The following DPY19L2 variants were observed in gnomAD, a reference collection of about 807,000 sequenced individuals.
The protein encoded by DPY19L2 is probable C-mannosyltransferase DPY19L2.
DPY19L2 carries 34 observed loss-of-function variants against 97.9 expected under a neutral mutation model. The observed-to-expected ratio is 0.35, with a 90% CI of 0.26 to 0.46. DPY19L2 has a LOEUF of 0.46. Among genes scored for constraint, DPY19L2 ranks in the 20% least tolerant of loss-of-function variants. The probability of loss-of-function intolerance (pLI) is 1.00; values close to 1 mark genes in which losing one functional copy is unlikely to be tolerated. For missense variants in DPY19L2, 623 were observed against 911.4 expected (o/e 0.68, Z 4.07); for synonymous variants, 230 against 307.9 (o/e 0.75, Z 2.65).
chr12:63,612,061 C>T (rs1322105710), intron 11 of DPY19L2, among the ~76,000 whole-genome samples: 5 of 151,880 alleles, frequency 3.3e-5, no homozygotes, highest in East Asian at 1.9e-4. Context: ...TATTTACAGA[C>T]GAAAGCGTAG....
intron 12 of DPY19L2, among the ~76,000 whole-genome samples, chr12:63,603,326 C>T (rs1365109004): frequency 1.3e-5 from 2 of 152,182 alleles, no homozygotes; most frequent in Non-Finnish European, 2.9e-5. Context: ...TTCTTCCCTA[C>T]ATTCTAGGAT....
At position 63,597,790 on chromosome 12, in the gene DPY19L2, A is replaced by G. The variant is rs756825536; in HGVS notation, c.1461+19T>C. The G allele has an allele frequency of 1.3e-6, 2 of 1,594,472 alleles. No homozygotes were observed. The highest frequency in any genetic ancestry group is 1.7e-6 in the Non-Finnish European group (2 of 1,168,314). ...AAAAAACTCATATTAGTAGAGAAGG[A>G]AAAAAGAAACATTCATACCGCTTTT... is the stretch of plus-strand genomic sequence containing the variant. On this transcript the variant is annotated intron_variant, in intron 14 of 21. Coordinates refer to ENST00000324472, the MANE Select transcript of DPY19L2 (RefSeq NM_173812.5).
chr12:63,667,605 C>T (rs3855610), intron 1 of DPY19L2, among the ~76,000 whole-genome samples: 40,233 of 151,886 alleles, frequency 0.26, 5,899 homozygotes, highest in East Asian at 0.57. Context: ...CTTTTATTTC[C>T]ACTTTAACAT....
In DPY19L2 at chr12:63,594,130, CA is replaced by C. The variant is rs777895594; in HGVS notation, c.1536del (p.Val513PhefsTer8). 1 of 1,540,962 alleles carries C rather than the reference CA, an allele frequency of 6.5e-7. No individual in the cohort carries two copies. Among genetic ancestry groups the C allele is most frequent in the Non-Finnish European group, 8.8e-7 (1 of 1,130,650 alleles). On this transcript the variant is annotated frameshift_variant and splice_region_variant, in exon 16 of 22. Transcript: ENST00000324472. LOFTEE classifies it high-confidence loss of function. ...MVITCFIFKK[T>X]VRDISYVLAT... ...GCTAAAACATATGAAATATCACGAACAGTCTGTGAATAGAATCAAATCAATG... is the reference window on the plus strand; with the variant it reads ...GCTAAAACATATGAAATATCACGAACGTCTGTGAATAGAATCAAATCAATG...
intron 6 of DPY19L2, among the ~76,000 whole-genome samples, chr12:63,628,922 C>T (rs1890082913): frequency 6.6e-6 from 1 of 151,706 alleles, no homozygotes; most frequent in Non-Finnish European, 1.5e-5. Flanking sequence ...ATCCACTGCT[C>T]TGCAGCATCC....
At chr12:63,610,861 A>C (rs1276449962) in intron 11 of DPY19L2, among the ~76,000 whole-genome samples, 280 of 99,154 alleles carry the variant, frequency 2.8e-3, no homozygotes, top group African/African-American at 7.2e-3. Flanking sequence ...AAAAAAAAAA[A>C]AAAAAAAAAA....
chr12:63,640,372 A>G (rs1362001296), intron 6 of DPY19L2, among the ~76,000 whole-genome samples: 1 of 152,164 alleles, frequency 6.6e-6, no homozygotes, highest in African/African-American at 2.4e-5. Flanking sequence ...AAGATACGAG[A>G]GGATATTTTG....
intron 19 of DPY19L2, among the ~76,000 whole-genome samples, chr12:63,573,999 T>C (rs2137308592): frequency 6.6e-6 from 1 of 152,156 alleles, no homozygotes; most frequent in Non-Finnish European, 1.5e-5. Flanking sequence ...AACTCACTGG[T>C]AATAGTAAGT....
At chr12:63,616,926 T>C (rs1887936600) in intron 11 of DPY19L2, among the ~76,000 whole-genome samples, 2 of 152,098 alleles carry the variant, frequency 1.3e-5, no homozygotes, top group Non-Finnish European at 2.9e-5. Flanking sequence ...GAATGTGCCA[T>C]AGTCTGTGAA....
intron 15 of DPY19L2, among the ~76,000 whole-genome samples, chr12:63,594,596 C>T (rs55650945): frequency 0.19 from 27,559 of 142,224 alleles, 3,730 homozygotes; most frequent in African/African-American, 0.42. Context: ...TGTGTGTGTG[C>T]GTGCACGTGT....
At chr12:63,577,785 T>C (rs1265180752) in intron 19 of DPY19L2, among the ~76,000 whole-genome samples, 3 of 151,898 alleles carry the variant, frequency 2.0e-5, no homozygotes, top group Admixed American at 6.6e-5. Flanking sequence ...AACAAATGGC[T>C]GTTATCCAAA....
intron 6 of DPY19L2, among the ~76,000 whole-genome samples, chr12:63,634,081 G>A (rs989687871): frequency 6.9e-6 from 1 of 145,914 alleles, no homozygotes; most frequent in South Asian, 2.3e-4. Context: ...GGGGAAGGGG[G>A]AGGGATAGCA....
Position 63,575,502 on chromosome 12 carries a change from G to T in DPY19L2, c.1901-4645C>A, listed in dbSNP as rs911071372. Among the ~76,000 whole-genome samples, 10 of 151,558 alleles carry T rather than the reference G, an allele frequency of 6.6e-5. No homozygotes were observed. In the East Asian group the frequency reaches 1.9e-3, roughly 29 times the overall value. ...AAATGAAATTGCAATGAAGAAAACA[G>T]TATAAAAGATCAACTGGTTTTCTGA... On this transcript the variant is annotated intron_variant, in intron 19 of 21. Transcript: ENST00000324472.
chr12:63,634,439 G>T (rs2137991559), intron 6 of DPY19L2, among the ~76,000 whole-genome samples: 1 of 152,246 alleles, frequency 6.6e-6, no homozygotes, highest in African/African-American at 2.4e-5. Flanking sequence ...TCATCTCACT[G>T]GGGCTTGTCC....
At chr12:63,619,669 A>AT (rs1888369696) in intron 9 of DPY19L2, among the ~76,000 whole-genome samples, 1 of 151,674 alleles carries the variant, frequency 6.6e-6, no homozygotes, top group African/African-American at 2.4e-5. Flanking sequence ...TGCTCAGCTA[A>AT]TTTTTTTGTA....
chr12:63,592,608 C>A (rs1883314874), intron 16 of DPY19L2, among the ~76,000 whole-genome samples: 2 of 147,804 alleles, frequency 1.4e-5, no homozygotes, highest in South Asian at 4.5e-4. Flanking sequence ...GAAACTGGAT[C>A]CCTTCCTTAC....
chr12:63,600,267 T>C (rs771331816), intron 13 of DPY19L2, 39 bp downstream of exon 13: 13 of 1,519,212 alleles, frequency 8.6e-6, no homozygotes, highest in African/African-American at 2.7e-5. Context: ...CAGCTACATA[T>C]TTATAAGAAC....
chr12:63,650,557 G>T (rs1894063120), intron 4 of DPY19L2, among the ~76,000 whole-genome samples: 3 of 151,978 alleles, frequency 2.0e-5, no homozygotes, highest in South Asian at 4.2e-4. Context: ...AATCAAGAAT[G>T]CAATCTCATT....
intron 19 of DPY19L2, among the ~76,000 whole-genome samples, chr12:63,576,793 C>CA (rs982502676): frequency 1.3e-5 from 2 of 151,694 alleles, no homozygotes; most frequent in African/African-American, 2.4e-5. Context: ...GAAGAAGATA[C>CA]AAAAAATGGA....
Sources: allele counts gnomAD v4.1 joint callset (sites outside exome capture counted in the v4.1 genomes callset), GRCh38; gene constraint gnomAD v4.1.1; transcripts MANE v1.5; gene names NCBI Gene and HGNC (gene_info 2026-07-23, HGNC 2026-07-21).